The following COL5A1 variants were observed in gnomAD, a reference collection of about 807,000 sequenced individuals.
COL5A1 encodes the protein collagen type V alpha 1 chain, also known as collagen alpha-1(V) chain.
A neutral mutation model predicts 263.7 loss-of-function variants in COL5A1; 16 were observed. The ratio of observed to expected loss-of-function variants is 0.06; its 90% CI spans 0.04 to 0.09. The LOEUF is 0.09. COL5A1 is among the 10% of genes least tolerant of loss of function. COL5A1 has a pLI of 1.00. For synonymous variants in COL5A1, 1,012 were observed against 1,004.5 expected (o/e 1.01, Z -0.14); for missense variants, 2,036 against 2,540.5 (o/e 0.80, Z 4.27).
intron 11 of COL5A1, among the ~76,000 whole-genome samples, chr9:134,747,022 C>G (rs905680424): frequency 3.3e-5 from 5 of 152,216 alleles, no homozygotes. Flanking sequence ...GACCACAGGG[C>G]TTGGCAAAGG....
chr9:134,673,739 C>G (rs765716348), intron 1 of COL5A1, among the ~76,000 whole-genome samples: 1 of 152,094 alleles, frequency 6.6e-6, no homozygotes, highest in Non-Finnish European at 1.5e-5. Flanking sequence ...TAAAACAACA[C>G]CTTATACTTT....
At chr9:134,759,504 TGCAC>T (rs1249279414) in intron 18 of COL5A1, among the ~76,000 whole-genome samples, 1 of 93,266 alleles carries the variant, frequency 1.1e-5, no homozygotes, top group Non-Finnish European at 1.9e-5. Flanking sequence ...CATACACACA[TGCAC>T]ACACACATAC....
chr9:134,750,235 C>A (rs1339320377), intron 11 of COL5A1, among the ~76,000 whole-genome samples: 1 of 152,190 alleles, frequency 6.6e-6, no homozygotes. Flanking sequence ...CACCTTCGGG[C>A]TCCTTGTCTC....
chr9:134,669,838 A>C (rs954910193), intron 1 of COL5A1, among the ~76,000 whole-genome samples: 1 of 152,148 alleles, frequency 6.6e-6, no homozygotes. Flanking sequence ...AGACAACTCC[A>C]TGGTGGGAAC....
chr9:134,696,298 C>T lies in COL5A1; in HGVS notation c.278-3611C>T, dbSNP rs142378948. On this transcript the variant is annotated intron_variant, in intron 2 of 65. Transcript: ENST00000371817. This position sits in a 1 kb window ranked among gnomAD's most constrained non-coding sequence, Gnocchi z 4.3. ...AAGCGATTCTCCTGCCTCAGCCCCC[C>T]GAGTAGTTGGGATTACAGGTGTGTG... Among the ~76,000 whole-genome samples the T allele has an allele frequency of 1.6e-3, 240 of 152,200 alleles. 2 individuals are homozygous for T. Among genetic ancestry groups the T allele is most frequent in the African/African-American group, 5.3e-3 (219 of 41,532 alleles).
intron 65 of COL5A1, among the ~76,000 whole-genome samples, chr9:134,839,845 G>A (rs903438333): frequency 2.0e-5 from 3 of 152,226 alleles, no homozygotes; most frequent in East Asian, 1.9e-4. Flanking sequence ...CCCAGCCACC[G>A]CAGAGCTGCA....
intron 2 of COL5A1, among the ~76,000 whole-genome samples, chr9:134,698,229 C>A (rs2132565933): frequency 6.6e-6 from 1 of 152,370 alleles, no homozygotes; most frequent in African/African-American, 2.4e-5. Context: ...CTGTCCCCAG[C>A]TTTGGGGGCA....
chr9:134,823,660 A>G (rs1417783181), intron 61 of COL5A1, among the ~76,000 whole-genome samples, 191 bp downstream of exon 61: 3 of 152,256 alleles, frequency 2.0e-5, no homozygotes, highest in Admixed American at 6.5e-5. Flanking sequence ...TTACAGGCCA[A>G]TTGGCCCTGA....
chr9:134,816,396 G>A (rs1477153084), intron 52 of COL5A1, among the ~76,000 whole-genome samples: 1 of 152,234 alleles, frequency 6.6e-6, no homozygotes, highest in Non-Finnish European at 1.5e-5. Context: ...TTGGCGTTGA[G>A]TGTTTTAAAC....
At chr9:134,828,735 A>G (rs942792064) in intron 63 of COL5A1, among the ~76,000 whole-genome samples, 4 of 152,030 alleles carry the variant, frequency 2.6e-5, no homozygotes, top group African/African-American at 9.7e-5. Flanking sequence ...TCAGACACAC[A>G]GATACCACAC....
rs1834273929 is a variant in COL5A1, at chr9:134,716,605, G to A, written c.655-10661G>A. On this transcript the variant is annotated intron_variant, in intron 4 of 65. Transcript: ENST00000371817. The surrounding 1 kb of genome is among the most constrained non-coding windows in gnomAD (Gnocchi z 4.5). ...AGCAAGTCTTTGAGGAGGTGGACCT[G>A]CCCCCCAGCCCCTGCCATTGGTGCT... 6.6e-6 allele frequency among the ~76,000 whole-genome samples: 1 copy of A among 152,120 alleles called. No homozygotes were observed. The highest frequency in any genetic ancestry group is 1.5e-5 in the Non-Finnish European group (1 of 68,008).
In COL5A1 at chr9:134,680,197, G is replaced by A. The variant is rs893948799; in HGVS notation, c.110-10715G>A. 6.6e-6 allele frequency among the ~76,000 whole-genome samples: 1 copy of A among 152,218 alleles called. No individual in the cohort carries two copies. The highest frequency in any genetic ancestry group is 2.4e-5 in the African/African-American group (1 of 41,446). On this transcript the variant is annotated intron_variant, in intron 1 of 65. Coordinates refer to ENST00000371817, the MANE Select transcript of COL5A1 (RefSeq NM_000093.5). This position sits in a 1 kb window ranked among gnomAD's most constrained non-coding sequence, Gnocchi z 5.9. ...CCATGAACAAGCGCAGTGCCTCTGG[G>A]TACCTCAGAGCCCACTCAGGGCAGC...
intron 4 of COL5A1, among the ~76,000 whole-genome samples, chr9:134,724,272 G>A (rs1345648254): frequency 3.3e-5 from 5 of 152,192 alleles, no homozygotes; most frequent in African/African-American, 1.2e-4. Flanking sequence ...AAGGAGTTTT[G>A]CCTGGAGGAC....
chr9:134,781,426 T>C (rs1837250720), intron 28 of COL5A1, among the ~76,000 whole-genome samples: 1 of 152,262 alleles, frequency 6.6e-6, no homozygotes, highest in South Asian at 2.1e-4. Flanking sequence ...ACGAGGGCCT[T>C]ACGAACACAG....
At chr9:134,775,256 A>T (rs1414094565) in intron 27 of COL5A1, among the ~76,000 whole-genome samples, 3 of 151,924 alleles carry the variant, frequency 2.0e-5, no homozygotes, top group African/African-American at 7.3e-5. Flanking sequence ...GGCTTCTGTC[A>T]CTCTCCTCGC....
intron 32 of COL5A1, among the ~76,000 whole-genome samples, chr9:134,793,162 G>A (rs1408648605): frequency 6.6e-6 from 1 of 151,906 alleles, no homozygotes; most frequent in Non-Finnish European, 1.5e-5. Flanking sequence ...GGGATCCCAG[G>A]AGCCCCTTCC....
chr9:134,812,775 T>C, intron 48 of COL5A1, 63 bp downstream of exon 48: 1 of 1,012,998 alleles, frequency 9.9e-7, no homozygotes, highest in Non-Finnish European at 1.5e-6. Flanking sequence ...TGTGTGTGTC[T>C]GTGTGTGTGT....
At chr9:134,817,446 A>G (rs4372081) in intron 53 of COL5A1, among the ~76,000 whole-genome samples, 4,831 of 152,334 alleles carry the variant, frequency 0.032, 255 homozygotes, top group African/African-American at 0.1. Flanking sequence ...CTGGTGGGGC[A>G]GTAAACAGCT....
At position 134,796,862 on chromosome 9, in the gene COL5A1, C is replaced by G. The variant is rs150215839; in HGVS notation, c.2859C>G (p.Pro953=). 1 of 1,613,992 alleles carries G rather than the reference C, an allele frequency of 6.2e-7. No homozygotes were observed. Among genetic ancestry groups the G allele is most frequent in the African/African-American group, 1.3e-5 (1 of 74,900 alleles). The change falls in exon 36 of 66, where the codon CCC becomes CCG. Residue 953 remains proline, a synonymous_variant. Coordinates refer to ENST00000371817, the MANE Select transcript of COL5A1 (RefSeq NM_000093.5). ...TCTGTTCCCAGGGACCCAATGGACC[C>G]CAAGGACCCACAGGATTTCCTGGAC... ...GPPGERGPNG[P]QGPTGFPGPK...
Sources: gnomAD v4.1 joint callset for allele counts (sites outside exome capture counted in the v4.1 genomes callset) on GRCh38, gnomAD v4.1.1 for gene constraint, Gnocchi (gnomAD v3.1) non-coding constraint, MANE v1.5 for transcripts, NCBI Gene and HGNC (gene_info 2026-07-23, HGNC 2026-07-21) for gene names.